PCSK5: variants seen among roughly 807,000 people sequenced by gnomAD.
PCSK5 encodes prohormone convertase 5.
In PCSK5, 129 loss-of-function variants were observed where a neutral mutation model predicts 233.2. The observed-to-expected ratio is 0.55, with a 90% confidence interval of 0.48 to 0.64. The LOEUF (loss-of-function observed/expected upper bound fraction) is 0.64, where lower values mean the gene tolerates loss of function less well. PCSK5 is among the 30% of genes least tolerant of loss of function. The probability of loss-of-function intolerance (pLI) is 0.00; values close to 1 mark genes in which losing one functional copy is unlikely to be tolerated. For synonymous variants in PCSK5, 825 were observed against 879.2 expected, an observed-to-expected ratio of 0.94 and a Z score of 1.09; for missense variants, 2,076 against 2,430.1, an observed-to-expected ratio of 0.85 and a Z score of 3.06.
chr9:75,988,538 T>C (rs1210897559), intron 3 of PCSK5, among the ~76,000 whole-genome samples: 1 of 152,052 alleles, frequency 6.6e-6, no homozygotes, highest in Non-Finnish European at 1.5e-5. Flanking sequence ...CACGTTAGCC[T>C]CCTAAATAGC....
At chr9:76,276,284 G>A (rs963025106) in intron 24 of PCSK5, among the ~76,000 whole-genome samples, 1 of 152,114 alleles carries the variant, frequency 6.6e-6, no homozygotes, top group African/African-American at 2.4e-5. Flanking sequence ...GAATCTAGTT[G>A]AGCAAGATTT....
intron 2 of PCSK5, among the ~76,000 whole-genome samples, chr9:75,970,705 T>C (rs1246680166): frequency 6.6e-6 from 1 of 152,134 alleles, no homozygotes; most frequent in Non-Finnish European, 1.5e-5. Flanking sequence ...CACTGCAACC[T>C]CCACCTCCTA....
At chr9:75,952,326 G>C (rs968138515) in intron 2 of PCSK5, among the ~76,000 whole-genome samples, 1 of 152,178 alleles carries the variant, frequency 6.6e-6, no homozygotes, top group African/African-American at 2.4e-5. Context: ...TCAAGATACA[G>C]ACTGTCAACT....
chr9:76,003,273 T>C (rs766256584), intron 3 of PCSK5, among the ~76,000 whole-genome samples: 2 of 152,182 alleles, frequency 1.3e-5, no homozygotes, highest in Non-Finnish European at 2.9e-5. Flanking sequence ...GCTGGCAGGC[T>C]GAGGTGGGAG....
intron 32 of PCSK5, among the ~76,000 whole-genome samples, chr9:76,324,421 G>A (rs1343687469): frequency 6.6e-6 from 1 of 152,034 alleles, no homozygotes; most frequent in Admixed American, 6.6e-5. Context: ...AGTAGAGACA[G>A]GGTTTCACCA....
intron 2 of PCSK5, among the ~76,000 whole-genome samples, chr9:75,977,803 G>A (rs1157391893): frequency 2.0e-5 from 3 of 151,674 alleles, no homozygotes; most frequent in African/African-American, 4.8e-5. Flanking sequence ...GTAGAGATGG[G>A]GTTTTGCCAT....
intron 2 of PCSK5, among the ~76,000 whole-genome samples, chr9:75,955,996 A>G (rs1254541313): frequency 1.3e-5 from 2 of 152,130 alleles, no homozygotes; most frequent in Non-Finnish European, 2.9e-5. Context: ...AGATTAAGTA[A>G]CTCGCTCAAA....
intron 24 of PCSK5, among the ~76,000 whole-genome samples, chr9:76,243,127 T>A (rs544908179): frequency 1.3e-5 from 2 of 152,310 alleles, no homozygotes; most frequent in Non-Finnish European, 1.5e-5. Flanking sequence ...ACACTGACCC[T>A]CTGGGGACTC....
intron 2 of PCSK5, among the ~76,000 whole-genome samples, chr9:75,946,738 A>G (rs1021315817): frequency 2.0e-5 from 3 of 151,976 alleles, no homozygotes; most frequent in African/African-American, 7.3e-5. Context: ...ACAGGTGCCC[A>G]CCACCATGCC....
At chr9:76,141,852 A>G (rs1823238747) in intron 10 of PCSK5, among the ~76,000 whole-genome samples, 1 of 152,260 alleles carries the variant, frequency 6.6e-6, no homozygotes, top group South Asian at 2.1e-4. Flanking sequence ...GCTGGAGGCC[A>G]TTATCCTTAG....
rs374175480 is a variant in PCSK5 at position 76,193,386 on chromosome 9, T to G, written c.2626+3640T>G. On this transcript the variant is annotated intron_variant, in intron 20 of 37. Coordinates refer to ENST00000674117, the MANE Select transcript of PCSK5 (RefSeq NM_001372043.1). ...CTTAGATTTCTTTGTTCCTGTAGAC[T>G]TATAGATTATTCCATATTATTAAAA... 7 of 1,506,166 alleles carry G rather than the reference T, an allele frequency of 4.6e-6. No individual in the cohort carries two copies. The African/African-American group carries it at 8.8e-5, about 19-fold the overall frequency. The allele number at this position is 1,506,166 out of a possible 1,614,324, so 93.3% of individuals were successfully genotyped here.
chr9:76,285,931 T>C (rs1005281230), intron 24 of PCSK5, among the ~76,000 whole-genome samples: 1 of 152,216 alleles, frequency 6.6e-6, no homozygotes, highest in South Asian at 2.1e-4. Context: ...TAAATTTCTT[T>C]GGTAATAAAT....
At chr9:76,181,297 T>G in intron 15 of PCSK5, 101 bp from the exon 16 acceptor site, 1 of 954,638 alleles carries the variant, frequency 1.0e-6, no homozygotes, top group East Asian at 2.5e-5. Context: ...TTAAAAGTGA[T>G]TTGGAAGCTG....
intron 7 of PCSK5, among the ~76,000 whole-genome samples, chr9:76,078,824 G>A (rs1830731244): frequency 6.6e-6 from 1 of 152,096 alleles, no homozygotes; most frequent in African/African-American, 2.4e-5. Context: ...TTGGTTCCAT[G>A]TGAATTTTAG....
At chr9:76,060,985 T>A (rs916528211) in intron 5 of PCSK5, among the ~76,000 whole-genome samples, 22 of 152,144 alleles carry the variant, frequency 1.4e-4, no homozygotes, top group Non-Finnish European at 2.9e-4. Flanking sequence ...AAACAGAGTA[T>A]TTGAAAGTAA....
intron 12 of PCSK5, among the ~76,000 whole-genome samples, chr9:76,160,463 A>C (rs1822804768): frequency 6.6e-6 from 1 of 152,138 alleles, no homozygotes; most frequent in Non-Finnish European, 1.5e-5. Flanking sequence ...AAGAACATTT[A>C]ATGGGAGCAA....
At chr9:76,003,289 C>G (rs995683515) in intron 3 of PCSK5, among the ~76,000 whole-genome samples, 2 of 152,188 alleles carry the variant, frequency 1.3e-5, no homozygotes, top group African/African-American at 2.4e-5. Flanking sequence ...GGGAGTATCA[C>G]TTGAACCTGG....
intron 24 of PCSK5, among the ~76,000 whole-genome samples, chr9:76,284,989 G>A (rs1411829944): frequency 3.9e-5 from 6 of 152,114 alleles, no homozygotes; most frequent in South Asian, 4.1e-4. Flanking sequence ...TGAGCATAAC[G>A]TGTATAAATG....
chr9:75,988,705 T>C (rs561919135), intron 3 of PCSK5, among the ~76,000 whole-genome samples: 6 of 152,336 alleles, frequency 3.9e-5, no homozygotes, highest in Admixed American at 1.3e-4. Context: ...TGTGAGCCAC[T>C]GTGCCTGGCC....
Sources: gnomAD v4.1 joint callset for allele counts (sites outside exome capture counted in the v4.1 genomes callset) on GRCh38, gnomAD v4.1.1 for gene constraint, MANE v1.5 for transcripts, NCBI Gene and HGNC (gene_info 2026-07-23, HGNC 2026-07-21) for gene names.